Variants in UNC5C observed in about 807,000 individuals in gnomAD.
The protein encoded by UNC5C is netrin receptor UNC5C.
Under a neutral mutation model 99.8 loss-of-function variants are expected in UNC5C, and 47 were observed. The ratio of observed to expected loss-of-function variants is 0.47; its 90% CI spans 0.37 to 0.60. The LOEUF (loss-of-function observed/expected upper bound fraction) is 0.60. Ranked by LOEUF, UNC5C falls within the 20% of genes least tolerant of loss-of-function variation. The probability of loss-of-function intolerance (pLI) is 0.00; values close to 1 mark genes in which losing one functional copy is unlikely to be tolerated. For synonymous variants in UNC5C, 487 were observed against 452.2 expected (o/e 1.08, Z -0.98); for missense variants, 1,062 against 1,165.9 (o/e 0.91, Z 1.30).
chr4:95,300,296 C>T lies in UNC5C; in HGVS notation c.490+1310G>A, dbSNP rs191495680. 4.0e-3 allele frequency among the ~76,000 whole-genome samples: 607 copies of T among 152,300 alleles called. 1 individual carries two copies. Among genetic ancestry groups the T allele is most frequent in the African/African-American group, 0.014 (582 of 41,562 alleles). On this transcript the variant is annotated intron_variant, in intron 3 of 15. Transcript: ENST00000453304. The stretch of plus-strand genomic sequence containing the variant: ...CCTTCTCCCTCGTGGTGATAACATG[C>T]ATATTAGTGTATTAAATCATCTGAG...
chr4:95,536,166 C>T (rs1309016132), intron 1 of UNC5C, among the ~76,000 whole-genome samples: 3 of 151,604 alleles, frequency 2.0e-5, no homozygotes, highest in Non-Finnish European at 2.9e-5. Context: ...CAACCTCTGC[C>T]TCCTGTTCAA....
At chr4:95,526,067 T>C (rs1722491215) in intron 1 of UNC5C, among the ~76,000 whole-genome samples, 1 of 152,190 alleles carries the variant, frequency 6.6e-6, no homozygotes, top group African/African-American at 2.4e-5. Flanking sequence ...TCAATTATTT[T>C]CTTCAAATTC....
intron 7 of UNC5C, among the ~76,000 whole-genome samples, chr4:95,223,694 A>G (rs978414035): frequency 1.3e-5 from 2 of 152,194 alleles, no homozygotes; most frequent in African/African-American, 2.4e-5. Flanking sequence ...ATTAGGTTTG[A>G]TTTTCATTTT....
chr4:95,418,390 C>A (rs140521309), intron 1 of UNC5C, among the ~76,000 whole-genome samples: 1 of 152,024 alleles, frequency 6.6e-6, no homozygotes, highest in African/African-American at 2.4e-5. Context: ...TTTTGTAAAC[C>A]AGGAGAAGTG....
At chr4:95,427,586 G>T (rs1032001845) in intron 1 of UNC5C, among the ~76,000 whole-genome samples, 1 of 152,058 alleles carries the variant, frequency 6.6e-6, no homozygotes, top group African/African-American at 2.4e-5. Flanking sequence ...ATGATAACTT[G>T]CTAAAGAACA....
intron 1 of UNC5C, among the ~76,000 whole-genome samples, chr4:95,444,120 G>A (rs1448627776): frequency 2.0e-5 from 3 of 152,146 alleles, no homozygotes; most frequent in Non-Finnish European, 4.4e-5. Flanking sequence ...ACTGGGAATG[G>A]ACAGATGGAC....
At chr4:95,364,479 C>T (rs1044364930) in intron 1 of UNC5C, among the ~76,000 whole-genome samples, 1 of 152,142 alleles carries the variant, frequency 6.6e-6, no homozygotes, top group African/African-American at 2.4e-5. Context: ...ATCCTATTGA[C>T]ACTATGATTG....
chr4:95,418,547 G>A (rs1356266902), intron 1 of UNC5C, among the ~76,000 whole-genome samples: 6 of 152,192 alleles, frequency 3.9e-5, no homozygotes, highest in African/African-American at 9.6e-5. Context: ...TGCCATTCTG[G>A]GGTTGAGAAG....
At chr4:95,355,585 T>C (rs1202774128) in intron 1 of UNC5C, among the ~76,000 whole-genome samples, 1 of 152,058 alleles carries the variant, frequency 6.6e-6, no homozygotes, top group East Asian at 1.9e-4. Flanking sequence ...CACAGTAATA[T>C]ATTACATTGT....
intron 1 of UNC5C, among the ~76,000 whole-genome samples, chr4:95,351,352 A>G (rs1352145933): frequency 6.8e-6 from 1 of 148,036 alleles, no homozygotes; most frequent in Non-Finnish European, 1.5e-5. Context: ...TTTAATTTGC[A>G]TTGTGGTTCT....
At chr4:95,529,030 A>G (rs1722568472) in intron 1 of UNC5C, among the ~76,000 whole-genome samples, 1 of 151,632 alleles carries the variant, frequency 6.6e-6, no homozygotes, top group African/African-American at 2.4e-5. Flanking sequence ...ATTTTTATTC[A>G]TTTTTTTCAT....
chr4:95,366,226 G>A (rs1249101271), intron 1 of UNC5C, among the ~76,000 whole-genome samples: 2 of 152,196 alleles, frequency 1.3e-5, no homozygotes, highest in Non-Finnish European at 2.9e-5. Context: ...CTACTCAGGA[G>A]TCTGAGGTGG....
At chr4:95,266,397 A>C (rs1740448838) in intron 4 of UNC5C, among the ~76,000 whole-genome samples, 1 of 152,196 alleles carries the variant, frequency 6.6e-6, no homozygotes, top group South Asian at 2.1e-4. Context: ...TCAAAATACT[A>C]ACATGATTTT....
intron 12 of UNC5C, among the ~76,000 whole-genome samples, chr4:95,189,083 A>G (rs1437300487): frequency 8.5e-5 from 13 of 152,214 alleles, no homozygotes; most frequent in African/African-American, 2.7e-4. Flanking sequence ...AAGAAATGCT[A>G]TAGTAAGGAT....
At chr4:95,245,320 T>C (rs915751515) in intron 5 of UNC5C, among the ~76,000 whole-genome samples, 176 bp from the exon 6 acceptor site, 2 of 152,180 alleles carry the variant, frequency 1.3e-5, no homozygotes, top group African/African-American at 2.4e-5. Flanking sequence ...CAAAGTTTTA[T>C]TGTATAGACA....
chr4:95,212,490 T>A (rs1158557952), intron 10 of UNC5C, among the ~76,000 whole-genome samples: 1 of 152,238 alleles, frequency 6.6e-6, no homozygotes, highest in Non-Finnish European at 1.5e-5. Context: ...TGTTAAGTAC[T>A]GTGCTAGATG....
intron 1 of UNC5C, among the ~76,000 whole-genome samples, chr4:95,490,925 T>C (rs931745597): frequency 2.0e-5 from 3 of 151,742 alleles, no homozygotes; most frequent in Admixed American, 6.6e-5. Context: ...TTTAATTCTA[T>C]ATAGTTCCTG....
chr4:95,364,296 TG>T (rs1744487781), intron 1 of UNC5C, among the ~76,000 whole-genome samples: 1 of 152,184 alleles, frequency 6.6e-6, no homozygotes, highest in Admixed American at 6.6e-5. Context: ...AACCTCTTTT[TG>T]ATACACCAAA....
chr4:95,380,684 A>G (rs1745044332), intron 1 of UNC5C, among the ~76,000 whole-genome samples: 1 of 152,188 alleles, frequency 6.6e-6, no homozygotes, highest in Non-Finnish European at 1.5e-5. Flanking sequence ...TTCTATAATG[A>G]CATTTTTCTT....
Sources: allele counts gnomAD v4.1 joint callset (sites outside exome capture counted in the v4.1 genomes callset), GRCh38; gene constraint gnomAD v4.1.1; transcripts MANE v1.5; gene names NCBI Gene and HGNC (gene_info 2026-07-23, HGNC 2026-07-21).